Variants in SGPL1 observed in about 807,000 individuals in gnomAD.
SGPL1 encodes the protein SP-lyase 1.
In SGPL1, 37 loss-of-function variants were observed where a neutral mutation model predicts 68.9. The ratio of observed to expected loss-of-function variants is 0.54; its 90% confidence interval spans 0.41 to 0.71. The LOEUF (loss-of-function observed/expected upper bound fraction) is 0.71. SGPL1 is among the 30% of genes least tolerant of loss of function. The pLI, the probability that SGPL1 is intolerant of heterozygous loss-of-function variation, is 0.00. For synonymous variants in SGPL1, 236 were observed against 248.5 expected, an observed-to-expected ratio of 0.95 and a Z score of 0.47; for missense variants, 551 against 704.6, an observed-to-expected ratio of 0.78 and a Z score of 2.47.
At chr10:70,862,895 A>G (rs1010139917) in intron 7 of SGPL1, among the ~76,000 whole-genome samples, 2 of 152,202 alleles carry the variant, frequency 1.3e-5, no homozygotes, top group African/African-American at 4.8e-5. Context: ...AGAACCCACC[A>G]ATTCCGGACA....
chr10:70,867,344 C>T (rs1564630369), intron 7 of SGPL1, among the ~76,000 whole-genome samples: 1 of 152,180 alleles, frequency 6.6e-6, no homozygotes, highest in Non-Finnish European at 1.5e-5. Context: ...GGGCAGATCA[C>T]TTGAGGCCAG....
intron 2 of SGPL1, among the ~76,000 whole-genome samples, chr10:70,835,433 G>T (rs1257521037): frequency 6.6e-6 from 1 of 152,140 alleles, no homozygotes; most frequent in African/African-American, 2.4e-5. Context: ...TGGAAACGTG[G>T]CACATTAGAA....
At chr10:70,834,331 T>C (rs1014626444) in intron 2 of SGPL1, among the ~76,000 whole-genome samples, 3 of 152,144 alleles carry the variant, frequency 2.0e-5, no homozygotes, top group African/African-American at 7.2e-5. Context: ...ATGGAAAGAA[T>C]ATTGAAGAAG....
At position 70,875,541 on chromosome 10, in the gene SGPL1, C is replaced by T. The variant is rs773304680; in HGVS notation, c.1438C>T (p.Pro480Ser). The T allele has an allele frequency of 6.2e-7, 1 of 1,608,144 alleles. No individual in the cohort carries two copies. Among genetic ancestry groups the T allele is most frequent in the South Asian group, 1.1e-5 (1 of 90,024 alleles). ...KGWNLNQLQFPPSIHFCITLL... is the reference protein window; with the variant it reads ...KGWNLNQLQFSPSIHFCITLL... ...GTGGAACTTGAACCAGTTGCAGTTC[C>T]CACCCAGGTAAGCTTGAAGAAGCCT... The change falls in exon 13 of 15, where the codon CCA becomes TCA. Residue 480 changes from proline (P) to serine (S), a missense_variant. Pro to Ser is a moderately conservative substitution (Grantham distance 74). Coordinates refer to ENST00000373202, the MANE Select transcript of SGPL1 (RefSeq NM_003901.4).
chr10:70,824,596 A>T (rs35275629), intron 2 of SGPL1, among the ~76,000 whole-genome samples: 8,516 of 152,264 alleles, frequency 0.056, 283 homozygotes, highest in Non-Finnish European at 0.064. Flanking sequence ...GCGATGACAA[A>T]AAAAAAGTAA....
At position 70,870,655 on chromosome 10, in the gene SGPL1, G is replaced by A. The variant is rs529368902; in HGVS notation, c.811-393G>A. ...TGTCAGAATCCCATTTGAGCTTTAT[G>A]ACATTCCAGAGAGGTTGATGAAGCT... On this transcript the variant is annotated intron_variant, in intron 9 of 14. Transcript: ENST00000373202. Among the ~76,000 whole-genome samples, 93 of 152,262 alleles carry A rather than the reference G, an allele frequency of 6.1e-4. 1 individual carries two copies. The Middle Eastern group carries it at 0.01, about 17-fold the overall frequency.
chr10:70,862,170 T>C (rs1002476075), intron 7 of SGPL1, among the ~76,000 whole-genome samples: 4 of 152,180 alleles, frequency 2.6e-5, no homozygotes, highest in Non-Finnish European at 5.9e-5. Context: ...GCTCAGGGAT[T>C]GTAAATACAC....
At chr10:70,854,665 G>A (rs570398016) in intron 4 of SGPL1, 43 bp from the exon 5 acceptor site, 16 of 1,574,152 alleles carry the variant, frequency 1.0e-5, no homozygotes, top group South Asian at 9.6e-5. Context: ...TGTCTCTACT[G>A]TACTCTTGCA....
chr10:70,849,253 G>C (rs1845838654), intron 3 of SGPL1, among the ~76,000 whole-genome samples: 1 of 152,106 alleles, frequency 6.6e-6, no homozygotes, highest in East Asian at 1.9e-4. Flanking sequence ...AGCTTTAACA[G>C]TTAGAAATAG....
chr10:70,830,644 G>T (rs748680908), intron 2 of SGPL1, among the ~76,000 whole-genome samples: 2 of 152,104 alleles, frequency 1.3e-5, no homozygotes, highest in Non-Finnish European at 2.9e-5. Flanking sequence ...TAATATCGAG[G>T]CTATTTCTAT....
intron 5 of SGPL1, among the ~76,000 whole-genome samples, chr10:70,856,453 C>T (rs777456633): frequency 3.9e-5 from 6 of 152,286 alleles, no homozygotes; most frequent in Non-Finnish European, 5.9e-5. Context: ...ACCTGGTTGC[C>T]GCCATCATAT....
chr10:70,850,282 T>C (rs949095818), intron 3 of SGPL1, among the ~76,000 whole-genome samples: 1 of 152,174 alleles, frequency 6.6e-6, no homozygotes, highest in African/African-American at 2.4e-5. Context: ...CCCACAGTGC[T>C]GGGATTAGAG....
intron 4 of SGPL1, among the ~76,000 whole-genome samples, chr10:70,852,674 T>G (rs1845902812): frequency 6.6e-6 from 1 of 152,114 alleles, no homozygotes. Flanking sequence ...AAACAGATTC[T>G]GAGGCTTAGA....
At chr10:70,860,386 T>G (rs1249606499) in intron 7 of SGPL1, 2 of 466,532 alleles carry the variant, frequency 4.3e-6, no homozygotes, top group South Asian at 3.2e-5. Flanking sequence ...TCTTTTTTTT[T>G]TTCCAGGAAG....
In SGPL1 at chr10:70,877,134, A is replaced by G. The variant is rs1159260420; in HGVS notation, c.1567-61A>G. 10 of 1,566,422 alleles carry G rather than the reference A, an allele frequency of 6.4e-6. No homozygotes were observed. In the East Asian group the frequency reaches 2.3e-4, roughly 35 times the overall value. On this transcript the variant is annotated intron_variant, in intron 14 of 14. Transcript: ENST00000373202. ...TCGGGGAGAAGGGGCTCATTGCTGCAGTTTTATTCTTGCTTTTGGACCTGG... is the reference window on the plus strand; with the variant it reads ...TCGGGGAGAAGGGGCTCATTGCTGCGGTTTTATTCTTGCTTTTGGACCTGG...
intron 11 of SGPL1, among the ~76,000 whole-genome samples, chr10:70,872,957 C>T (rs1228722426): frequency 1.3e-5 from 2 of 152,170 alleles, no homozygotes; most frequent in African/African-American, 4.8e-5. Flanking sequence ...GGAAGGGGGT[C>T]AGATGGTGAT....
chr10:70,837,541 T>A (rs1196225329), intron 2 of SGPL1, among the ~76,000 whole-genome samples: 2 of 152,224 alleles, frequency 1.3e-5, no homozygotes, highest in African/African-American at 4.8e-5. Flanking sequence ...GGGTGAACTC[T>A]GATCCCTGTA....
intron 7 of SGPL1, among the ~76,000 whole-genome samples, chr10:70,864,118 G>C (rs939943539): frequency 1.3e-5 from 2 of 151,936 alleles, no homozygotes; most frequent in African/African-American, 4.8e-5. Context: ...ATTTCAGTTA[G>C]GAAGGTTGCT....
chr10:70,871,956 T>A lies in SGPL1; in HGVS notation c.1029T>A (p.Gly343=). ...LEHPFDFRVK[G]VTSISADTHK... Reference sequence around the variant, plus strand: ...ACCCATTTGATTTCCGGGTGAAAGGTGTAACCAGCATTTCAGCTGACACCC... The same window carrying A: ...ACCCATTTGATTTCCGGGTGAAAGGAGTAACCAGCATTTCAGCTGACACCC... The change falls in exon 11 of 15, where the codon GGT becomes GGA. Residue 343 remains glycine (G), a synonymous_variant. Transcript: ENST00000373202. 6.2e-7 allele frequency: 1 copy of A among 1,614,152 alleles called. No homozygotes were observed. Among genetic ancestry groups the A allele is most frequent in the African/African-American group, 1.3e-5 (1 of 75,054 alleles).
Sources: allele counts gnomAD v4.1 joint callset (sites outside exome capture counted in the v4.1 genomes callset), GRCh38; gene constraint gnomAD v4.1.1; transcripts MANE v1.5; gene names NCBI Gene and HGNC (gene_info 2026-07-23, HGNC 2026-07-21).